H2BC18: variants seen among roughly 807,000 people sequenced by gnomAD.
H2BC18 encodes the protein H2B clustered histone 18, also known as histone H2B type 2-F.
H2BC18 carries 8 observed loss-of-function variants against 6.3 expected under a neutral mutation model. The ratio of observed to expected loss-of-function variants is 1.28; its 90% CI spans 0.75 to 2.31. The LOEUF (loss-of-function observed/expected upper bound fraction) is 2.31, where lower values mean the gene tolerates loss of function less well. H2BC18 is among the 30% of genes most tolerant of loss of function. The pLI, the probability that H2BC18 is intolerant of heterozygous loss-of-function variation, is 0.00. For synonymous variants in H2BC18, 104 were observed against 78.1 expected, an observed-to-expected ratio of 1.33 and a Z score of -1.75; for missense variants, 106 against 174.5, an observed-to-expected ratio of 0.61 and a Z score of 2.21.
intron 1 of H2BC18, among the ~76,000 whole-genome samples, chr1:149,796,962 G>A (rs2091807032): frequency 1.3e-5 from 2 of 152,172 alleles, no homozygotes; most frequent in Admixed American, 1.3e-4. Flanking sequence ...ACCCAGGCTG[G>A]AGTGCAGTGG....
chr1:149,791,205 G>T, intron 1 of H2BC18: 1 of 1,606,052 alleles, frequency 6.2e-7, no homozygotes, highest in Non-Finnish European at 8.5e-7. Flanking sequence ...TCTCTAAATA[G>T]TATCTCTTCT....
At position 149,802,366 on chromosome 1, in the gene H2BC18, C is replaced by A. The variant is rs1183172536; in HGVS notation, c.377+9581G>T. On this transcript the variant is annotated intron_variant, in intron 1 of 1. Coordinates refer to the H2BC18 transcript ENST00000545683. The stretch of plus-strand genomic sequence containing the variant: ...ATATATATACAAGTTAATCAGCATA[C>A]CTTTCTCCTGCTCATTATTCTACAT... Among the ~76,000 whole-genome samples, 23 of 152,016 alleles carry A rather than the reference C, an allele frequency of 1.5e-4. 1 individual carries two copies. The highest frequency in any genetic ancestry group is 1.4e-3 in the Admixed American group (22 of 15,252).
At chr1:149,791,717 G>T in intron 1 of H2BC18, 1 of 659,060 alleles carries the variant, frequency 1.5e-6, no homozygotes, top group South Asian at 2.1e-5. Flanking sequence ...TTGAAATGAG[G>T]CCTACTCTAA....
At chr1:149,797,237 A>G (rs587715205) in intron 1 of H2BC18, among the ~76,000 whole-genome samples, 1 of 152,212 alleles carries the variant, frequency 6.6e-6, no homozygotes, top group South Asian at 2.1e-4. Flanking sequence ...AAGGATATGT[A>G]TATCTGATTT....
At chr1:149,807,422 G>T (rs752749346), downstream of H2BC18, among the ~76,000 whole-genome samples, 46 of 149,730 alleles carry the variant, frequency 3.1e-4, 1 homozygote, top group Admixed American at 1.1e-3. Context: ...AGCCTGGGAG[G>T]TCAAGGCTGC....
intron 1 of H2BC18, chr1:149,788,550 C>T (rs1293197066): frequency 6.2e-7 from 1 of 1,613,812 alleles, no homozygotes; most frequent in Non-Finnish European, 8.5e-7. Context: ...GTCACAATGG[C>T]ACCTACCATT....
intron 1 of H2BC18, among the ~76,000 whole-genome samples, chr1:149,790,577 CTTCA>C (rs1180955401): frequency 1.3e-5 from 2 of 148,834 alleles, no homozygotes; most frequent in African/African-American, 5.0e-5. Flanking sequence ...CATTTCTTTC[CTTCA>C]TTTTCTCCTC....
At chr1:149,792,752 G>A (rs1269053077) in intron 1 of H2BC18, 2 of 1,283,768 alleles carry the variant, frequency 1.6e-6, no homozygotes, top group African/African-American at 1.6e-5. Context: ...AAAACCCAGT[G>A]AGAAATTATT....
rs587734488 is a variant in H2BC18 at position 149,793,042 on chromosome 1, G to A, written c.378-9782C>T. 223 of 1,261,884 alleles carry A rather than the reference G, an allele frequency of 1.8e-4. 5 individuals carry two copies. In the East Asian group the frequency reaches 0.014, roughly 79 times the overall value. The allele number at this position is 1,261,884 out of a possible 1,614,324, so 78.2% of individuals were successfully genotyped here. On this transcript the variant is annotated intron_variant, in intron 1 of 1. Transcript: ENST00000545683. ...CCGCCCCGGGCCCGCCAGCTCCCGG[G>A]CCCCGGCGCGGCGCCACCTGGCGGC...
intron 1 of H2BC18, chr1:149,791,359 T>C: frequency 6.3e-7 from 1 of 1,581,150 alleles, no homozygotes. Context: ...AAAGAAAAAG[T>C]GGGATTTAGA....
At chr1:149,804,637 T>A (rs1348585412) in intron 1 of H2BC18, among the ~76,000 whole-genome samples, 1 of 150,948 alleles carries the variant, frequency 6.6e-6, no homozygotes, top group Non-Finnish European at 1.5e-5. Context: ...GATCAAATAT[T>A]TACCATGTTC....
chr1:149,810,294 C>G (rs2091960141), downstream of H2BC18: 1 of 151,674 alleles, frequency 6.6e-6, no homozygotes, highest in Non-Finnish European at 1.5e-5. Flanking sequence ...TCTTTACTTT[C>G]AACGGAAATT....
At position 149,784,340 on chromosome 1, in the gene H2BC18, G is replaced by T. The variant is rs1224621659; in HGVS notation, c.378-1080C>A. 6.2e-6 allele frequency: 10 copies of T among 1,611,564 alleles called. No individual in the cohort carries two copies. In the Admixed American group the frequency reaches 1.7e-4, roughly 27 times the overall value. On this transcript the variant is annotated intron_variant, in intron 1 of 1. Coordinates refer to the H2BC18 transcript ENST00000545683. ...TCCTTTCTGGATGCCAGATGTGTGTGTGTCGATTTATCTGGGTGCAGGTCT... is the reference window on the plus strand; with the variant it reads ...TCCTTTCTGGATGCCAGATGTGTGTTTGTCGATTTATCTGGGTGCAGGTCT...
At chr1:149,793,748 G>A (rs1482067208) in intron 1 of H2BC18, among the ~76,000 whole-genome samples, 2 of 151,716 alleles carry the variant, frequency 1.3e-5, no homozygotes, top group Non-Finnish European at 2.9e-5. Context: ...TCCAGGCTGG[G>A]TATGGAGACC....
At chr1:149,788,718 G>A in intron 1 of H2BC18, 8 of 1,469,604 alleles carry the variant, frequency 5.4e-6, no homozygotes, top group African/African-American at 1.4e-5. Context: ...GAAGAAACCG[G>A]GCTCCAGAGA....
intron 1 of H2BC18, among the ~76,000 whole-genome samples, chr1:149,789,281 T>C (rs1222300262): frequency 1.3e-5 from 2 of 152,094 alleles, no homozygotes; most frequent in African/African-American, 4.8e-5. Context: ...TAGTCCCAGC[T>C]ACTCGGGAGG....
chr1:149,800,346 T>G (rs1469200034), intron 1 of H2BC18, among the ~76,000 whole-genome samples: 1 of 151,964 alleles, frequency 6.6e-6, no homozygotes, highest in Non-Finnish European at 1.5e-5. Flanking sequence ...AATCACTGAT[T>G]AAACCATTGG....
intron 1 of H2BC18, chr1:149,793,155 T>G (rs2091755727): frequency 7.8e-7 from 1 of 1,278,830 alleles, no homozygotes; most frequent in Non-Finnish European, 1.0e-6. Flanking sequence ...AGAGGAGGAT[T>G]GGTAGATCAC....
chr1:149,785,219 C>A (rs2091509234), intron 1 of H2BC18, among the ~76,000 whole-genome samples: 1 of 152,082 alleles, frequency 6.6e-6, no homozygotes, highest in South Asian at 2.1e-4. Flanking sequence ...AATGATAATG[C>A]AAAAGTCAAT....
Sources: allele counts gnomAD v4.1 joint callset (sites outside exome capture counted in the v4.1 genomes callset), GRCh38; gene constraint gnomAD v4.1.1; transcripts MANE v1.5; gene names NCBI Gene and HGNC (gene_info 2026-07-23, HGNC 2026-07-21).